CATSPERH: variants seen among roughly 807,000 people sequenced by gnomAD.
The protein encoded by CATSPERH is catsper channel auxiliary subunit eta.
At chr11:65,088,649 A>C in the CATSPERH span, 1 of 1,536,148 alleles carries the variant, frequency 6.5e-7, no homozygotes, top group East Asian at 2.4e-5. Context: ...CCTGCCACTC[A>C]CTCAGGATGG....
the CATSPERH span, chr11:65,089,026 C>T: frequency 2.0e-6 from 3 of 1,535,556 alleles, no homozygotes; most frequent in Admixed American, 3.9e-5. Context: ...GGTCTTGCAG[C>T]CACATCTTGC....
chr11:65,088,879 A>G, the CATSPERH span: 3 of 1,535,848 alleles, frequency 2.0e-6, no homozygotes, highest in Non-Finnish European at 2.6e-6. Context: ...CCGTGTAGTG[A>G]AAGCTCATGT....
chr11:65,088,798 G>C, the CATSPERH span: 1 of 1,534,982 alleles, frequency 6.5e-7, no homozygotes, highest in Non-Finnish European at 8.7e-7. Context: ...CAACAGTGGG[G>C]TTTCCATCAG....
At chr11:65,088,764 C>T in the CATSPERH span, 1 of 1,535,848 alleles carries the variant, frequency 6.5e-7, no homozygotes, top group East Asian at 2.4e-5. Flanking sequence ...TAGGCCCATC[C>T]AGTGGGAGAG....
the CATSPERH span, chr11:65,088,550 C>T: frequency 6.5e-6 from 10 of 1,526,972 alleles, no homozygotes; most frequent in Non-Finnish European, 8.8e-6. Context: ...GGGACAGAGC[C>T]CCCCATGAGC....
the CATSPERH span, chr11:65,088,700 A>C: frequency 2.0e-6 from 3 of 1,536,234 alleles, no homozygotes; most frequent in Non-Finnish European, 2.6e-6. Flanking sequence ...CTGTCATCTC[A>C]GCATAGAGTG....
chr11:65,088,810 C>T, the CATSPERH span: 3 of 1,535,212 alleles, frequency 2.0e-6, no homozygotes, highest in Non-Finnish European at 2.6e-6. Flanking sequence ...TTCCATCAGC[C>T]CCTCGGGTCT....
At chr11:65,088,394 TA>T in the CATSPERH span, 1 of 1,492,880 alleles carries the variant, frequency 6.7e-7, no homozygotes, top group Non-Finnish European at 9.0e-7. Flanking sequence ...ACAACTTTAT[TA>T]AAACACCCGA....
the CATSPERH span, chr11:65,088,479 G>A: frequency 8.5e-6 from 13 of 1,536,172 alleles, no homozygotes; most frequent in South Asian, 1.2e-5. Context: ...CCCGGTACTC[G>A]ATGGCCAGAA....
chr11:65,088,690 C>T, the CATSPERH span: 23 of 1,536,282 alleles, frequency 1.5e-5, no homozygotes, highest in African/African-American at 3.1e-4. Context: ...TACTTGTTTT[C>T]TGTCATCTCA....
chr11:65,088,580 T>C, the CATSPERH span: 2 of 1,524,272 alleles, frequency 1.3e-6, no homozygotes, highest in Admixed American at 2.0e-5. Context: ...CTTCCCTGGC[T>C]ACTCCTTGCC....
chr11:65,088,658 G>A, the CATSPERH span: 7 of 1,536,174 alleles, frequency 4.6e-6, no homozygotes, highest in South Asian at 5.9e-5. Context: ...CACTCAGGAT[G>A]GTCAGGGCGG....
the CATSPERH span, chr11:65,088,791 C>G: frequency 1.3e-6 from 2 of 1,534,968 alleles, no homozygotes; most frequent in Non-Finnish European, 1.7e-6. Context: ...CCTCGCACAA[C>G]AGTGGGGTTT....
chr11:65,088,432 G>T, the CATSPERH span: 3 of 1,535,598 alleles, frequency 2.0e-6, no homozygotes, highest in Middle Eastern at 1.7e-4. Context: ...CCCCTCCTTA[G>T]CCCTGTTCCG....
At chr11:65,088,659 G>T in the CATSPERH span, 1 of 1,536,346 alleles carries the variant, frequency 6.5e-7, no homozygotes, top group East Asian at 2.4e-5. Flanking sequence ...ACTCAGGATG[G>T]TCAGGGCGGA....
At chr11:65,088,815 G>C in the CATSPERH span, 1 of 1,535,230 alleles carries the variant, frequency 6.5e-7, no homozygotes, top group Non-Finnish European at 8.7e-7. Context: ...TCAGCCCCTC[G>C]GGTCTCCCAC....
chr11:65,088,538 G>A, the CATSPERH span: 53 of 1,532,026 alleles, frequency 3.5e-5, 1 homozygote, highest in Middle Eastern at 1.7e-4. Context: ...AGCACTGGGC[G>A]GGGGACAGAG....
chr11:65,088,514 A>G, the CATSPERH span: 565,024 of 1,534,994 alleles, frequency 0.37, 109,007 homozygotes, highest in Admixed American at 0.44. Flanking sequence ...CGGTTGAAGA[A>G]CATGGCTCCG....
the CATSPERH span, chr11:65,088,819 C>T: frequency 6.5e-7 from 1 of 1,535,318 alleles, no homozygotes; most frequent in East Asian, 2.4e-5. Flanking sequence ...CCCCTCGGGT[C>T]TCCCACAGCC....
Sources: gnomAD v4.1 joint callset for allele counts on GRCh38, gnomAD v4.1.1 for gene constraint, MANE v1.5 for transcripts, NCBI Gene and HGNC (gene_info 2026-07-23, HGNC 2026-07-21) for gene names.